NAB1: variants seen among roughly 807,000 people sequenced by gnomAD.
NAB1 encodes NGFI-A binding protein 1.
A neutral mutation model predicts 49.9 loss-of-function variants in NAB1; 25 were observed. The observed-to-expected ratio is 0.50, with a 90% CI of 0.37 to 0.70. The LOEUF is 0.70. Among genes scored for constraint, NAB1 ranks in the 30% least tolerant of loss-of-function variants. NAB1 has a pLI of 0.00. For synonymous variants in NAB1, 198 were observed against 215.6 expected, an observed-to-expected ratio of 0.92 and a Z score of 0.71; for missense variants, 489 against 575.9, an observed-to-expected ratio of 0.85 and a Z score of 1.54.
rs933281394 is a variant in NAB1 at position 190,656,493 on chromosome 2, C to G, written c.-20+340C>G. On this transcript the variant is annotated intron_variant, in intron 3 of 9. Coordinates refer to ENST00000337386, the MANE Select transcript of NAB1 (RefSeq NM_005966.4). ...GTAGTAAGTGTGGGCCTCTAGAAAG[C>G]CTCCAGGGACCGAATTGGTTACTTA... Among the ~76,000 whole-genome samples, 8 of 152,186 alleles carry G rather than the reference C, an allele frequency of 5.3e-5. 1 individual carries two copies. The South Asian group carries it at 1.7e-3, about 32-fold the overall frequency.
Position 190,652,941 on chromosome 2 carries a change from C to G in NAB1, c.-197+2959C>G, listed in dbSNP as rs1038813513. 2.6e-5 allele frequency among the ~76,000 whole-genome samples: 4 copies of G among 152,186 alleles called. No homozygotes were observed. The highest frequency in any genetic ancestry group is 4.4e-5 in the Non-Finnish European group (3 of 68,038). ...ACCCGAGGCCTGTGGTTGCATGCAG[C>G]CCAGGAGGGCTTTGAATACGGCCCA... On this transcript the variant is annotated intron_variant, in intron 2 of 9. Coordinates refer to ENST00000337386, the MANE Select transcript of NAB1 (RefSeq NM_005966.4). This position sits in a 1 kb window ranked among gnomAD's most constrained non-coding sequence, Gnocchi z 4.2.
intron 5 of NAB1, 28 bp from the exon 6 acceptor site, chr2:190,673,073 T>C: frequency 6.3e-7 from 1 of 1,596,408 alleles, no homozygotes; most frequent in Non-Finnish European, 8.5e-7. Flanking sequence ...TCAAGTTTTT[T>C]TTTTTTTTTC....
intron 5 of NAB1, among the ~76,000 whole-genome samples, chr2:190,672,669 A>C (rs1223115395): frequency 1.3e-5 from 2 of 151,958 alleles, no homozygotes; most frequent in African/African-American, 4.8e-5. Flanking sequence ...TTATGTGATG[A>C]TCATTAAATA....
rs1354927521 is a variant in NAB1 at position 190,679,525 on chromosome 2, C to T, written c.1006-4213C>T. On this transcript the variant is annotated intron_variant, in intron 6 of 9. Transcript: ENST00000337386. This position sits in a 1 kb window ranked among gnomAD's most constrained non-coding sequence, Gnocchi z 5.3. ...CCCCATCCAGCTTTTTCAGTATTCT[C>T]ATGGTTGAATAATCCTGACTTTAGT... Among the ~76,000 whole-genome samples, 3 of 152,154 alleles carry T rather than the reference C, an allele frequency of 2.0e-5. No homozygotes were observed. The highest frequency in any genetic ancestry group is 4.4e-5 in the Non-Finnish European group (3 of 68,026).
In NAB1 at chr2:190,683,111, GT is replaced by G. The variant is rs1313855386; in HGVS notation, c.1006-620del. Among the ~76,000 whole-genome samples, 6 of 151,812 alleles carry G rather than the reference GT, an allele frequency of 4.0e-5. 1 individual carries two copies. Among genetic ancestry groups the G allele is most frequent in the African/African-American group, 1.5e-4 (6 of 41,356 alleles). ...TTTTATGTGTTTTGTTTTTGTTTTT[GT>G]TTTTTTGAGACAGAATCTCACTTTA... On this transcript the variant is annotated intron_variant, in intron 6 of 9. Coordinates refer to ENST00000337386, the MANE Select transcript of NAB1 (RefSeq NM_005966.4).
chr2:190,687,395 C>CAAA (rs60742412), intron 9 of NAB1, 78 bp downstream of exon 9: 393 of 160,956 alleles, frequency 2.4e-3, no homozygotes, highest in South Asian at 4.0e-3. Context: ...CCTCCCCCAT[C>CAAA]AAAAAAAAAA....
In NAB1 at chr2:190,680,413, T is replaced by C. The variant is rs951799335; in HGVS notation, c.1006-3325T>C. On this transcript the variant is annotated intron_variant, in intron 6 of 9. Coordinates refer to ENST00000337386, the MANE Select transcript of NAB1 (RefSeq NM_005966.4). This position sits in a 1 kb window ranked among gnomAD's most constrained non-coding sequence, Gnocchi z 5.2. ...GCCTCCAGGCATCTGTACCAGCTGC[T>C]TTCTTTTGGAACTCTCAGCCTAGAC... Among the ~76,000 whole-genome samples the C allele has an allele frequency of 6.6e-6, 1 of 152,184 alleles. No homozygotes were observed. The highest frequency in any genetic ancestry group is 1.5e-5 in the Non-Finnish European group (1 of 68,026).
rs993528009 is a variant in NAB1 at position 190,686,357 on chromosome 2, G to GA, written c.1258+727dup. On this transcript the variant is annotated intron_variant, in intron 8 of 9. Coordinates refer to ENST00000337386, the MANE Select transcript of NAB1 (RefSeq NM_005966.4). This position sits in a 1 kb window ranked among gnomAD's most constrained non-coding sequence, Gnocchi z 5.5. The stretch of plus-strand genomic sequence containing the variant: ...TTTCAAATAGTAATAAGTGTTTGAA[G>GA]AAAAAAAATAATTTTATAGTGCCTC... Among the ~76,000 whole-genome samples the GA allele has an allele frequency of 2.6e-5, 4 of 151,942 alleles. No individual in the cohort carries two copies. The highest frequency in any genetic ancestry group is 9.6e-5 in the African/African-American group (4 of 41,466).
chr2:190,658,981 T>C, intron 3 of NAB1, 177 bp from the exon 4 acceptor site: 1 of 534,280 alleles, frequency 1.9e-6, no homozygotes, highest in Non-Finnish European at 3.3e-6. Flanking sequence ...TACTGACCTA[T>C]AAGGTTTTTA....
intron 4 of NAB1, among the ~76,000 whole-genome samples, chr2:190,668,241 T>C (rs982790304): frequency 3.9e-5 from 6 of 152,218 alleles, no homozygotes; most frequent in Admixed American, 1.3e-4. Context: ...CTAACTGGTC[T>C]ATTTGTAGGA....
At position 190,659,969 on chromosome 2, in the gene NAB1, G is replaced by T; in HGVS notation, c.793G>T (p.Asp265Tyr). The change falls in exon 4 of 10, where the codon GAT (aspartate) becomes TAT (tyrosine). Residue 265 changes from aspartate (D) to tyrosine (Y), a missense_variant. Around this residue, in one of 4 missense-constraint regions of NAB1, gnomAD observed 38 missense variants for 70.1 expected, o/e 0.54. Coordinates refer to ENST00000337386, the MANE Select transcript of NAB1 (RefSeq NM_005966.4). This position sits in a 1 kb window ranked among gnomAD's most constrained non-coding sequence, Gnocchi z 6.2. ...TGGCAGATTTGACTCAAAGAGGAAG[G>T]ATGGGAAACATCTCACACTTCATGA... ...IYGRFDSKRK[D>Y]GKHLTLHELT... 1 of 1,613,270 alleles carries T rather than the reference G, an allele frequency of 6.2e-7. No individual in the cohort carries two copies. The highest frequency in any genetic ancestry group is 1.1e-5 in the South Asian group (1 of 91,048).
In NAB1 at chr2:190,659,785, G is replaced by C; in HGVS notation, c.609G>C (p.Val203=). Residue 203 remains valine, a synonymous_variant, in exon 4 of 10, where the codon GTG becomes GTC. Transcript: ENST00000337386. This position sits in a 1 kb window ranked among gnomAD's most constrained non-coding sequence, Gnocchi z 6.2. ...CTGCGCTCTCTGTGGCTGAGTGTGT[G>C]GAGCGGATGGCCCCCACACTGCCAA... The part of the protein sequence containing the change: ...AAAALSVAEC[V]ERMAPTLPKS... The C allele has an allele frequency of 6.2e-7, 1 of 1,614,122 alleles. No individual in the cohort carries two copies. Among genetic ancestry groups the C allele is most frequent in the Non-Finnish European group, 8.5e-7 (1 of 1,180,010 alleles).
rs1170074397 is a variant in NAB1 at position 190,680,844 on chromosome 2, T to C, written c.1006-2894T>C. The stretch of plus-strand genomic sequence containing the variant: ...GCTTTTTGGATGAACTTAACAGATA[T>C]CAGTAACAAACATTTATCAAGTAAT... On this transcript the variant is annotated intron_variant, in intron 6 of 9. Coordinates refer to ENST00000337386, the MANE Select transcript of NAB1 (RefSeq NM_005966.4). This position sits in a 1 kb window ranked among gnomAD's most constrained non-coding sequence, Gnocchi z 5.2. Among the ~76,000 whole-genome samples, 5 of 152,236 alleles carry C rather than the reference T, an allele frequency of 3.3e-5. No individual in the cohort carries two copies. Among genetic ancestry groups the C allele is most frequent in the South Asian group, 2.1e-4 (1 of 4,832 alleles).
upstream of NAB1, chr2:190,648,987 C>G (rs1404700402): frequency 7.8e-6 from 1 of 128,644 alleles, no homozygotes; most frequent in Non-Finnish European, 1.7e-5. Context: ...GGAGTGGAGG[C>G]GGCGGAGGCG....
At chr2:190,650,684 A>G (rs994250365) in intron 2 of NAB1, among the ~76,000 whole-genome samples, 11 of 152,228 alleles carry the variant, frequency 7.2e-5, no homozygotes, top group African/African-American at 2.7e-4. Flanking sequence ...AAGACCTGAA[A>G]GAGCTGCTTC....
chr2:190,658,524 T>G (rs1197562116), intron 3 of NAB1, among the ~76,000 whole-genome samples: 1 of 152,206 alleles, frequency 6.6e-6, no homozygotes, highest in Admixed American at 6.5e-5. Context: ...ATCTAAGTGA[T>G]CACCAAGTCT....
chr2:190,683,871 G>A, intron 7 of NAB1, 44 bp downstream of exon 7: 1 of 1,454,018 alleles, frequency 6.9e-7, no homozygotes, highest in Non-Finnish European at 9.5e-7. Context: ...GTATCTGAAG[G>A]TTAAAAAATA....
At chr2:190,661,820 A>G (rs754553960) in intron 4 of NAB1, among the ~76,000 whole-genome samples, 54 of 152,310 alleles carry the variant, frequency 3.5e-4, no homozygotes, top group Non-Finnish European at 6.5e-4. Context: ...CTTGTACTCC[A>G]GTATGTGAAT....
chr2:190,658,891 C>A (rs761120477), intron 3 of NAB1, among the ~76,000 whole-genome samples: 4 of 152,176 alleles, frequency 2.6e-5, no homozygotes, highest in Admixed American at 6.5e-5. Context: ...GGACATGGAA[C>A]CTTTGGTTTG....
Sources: gnomAD v4.1 joint callset for allele counts (sites outside exome capture counted in the v4.1 genomes callset) on GRCh38, gnomAD v4.1.1 for gene constraint, gnomAD v4.1.1 regional missense constraint, Gnocchi (gnomAD v3.1) non-coding constraint, MANE v1.5 for transcripts, NCBI Gene and HGNC (gene_info 2026-07-23, HGNC 2026-07-21) for gene names.